GPC6: variants seen among roughly 807,000 people sequenced by gnomAD.
GPC6 encodes glypican 6.
GPC6 carries 14 observed loss-of-function variants against 55.2 expected under a neutral mutation model. The ratio of observed to expected loss-of-function variants is 0.25; its 90% CI spans 0.17 to 0.40. GPC6 has a LOEUF of 0.40. GPC6 is among the 10% of genes least tolerant of loss of function. The probability of loss-of-function intolerance (pLI) is 1.00; values close to 1 mark genes in which losing one functional copy is unlikely to be tolerated. For missense variants in GPC6, 641 were observed against 708.5 expected (o/e 0.90, Z 1.08); for synonymous variants, 278 against 259.6 (o/e 1.07, Z -0.68).
chr13:93,488,426 A>T (rs1249185556), intron 1 of GPC6, among the ~76,000 whole-genome samples: 1 of 152,178 alleles, frequency 6.6e-6, no homozygotes, highest in Admixed American at 6.5e-5. Context: ...GCTGCAATAA[A>T]CATACGTGTG....
chr13:93,871,224 A>T (rs1889123281), intron 3 of GPC6, among the ~76,000 whole-genome samples: 2 of 151,948 alleles, frequency 1.3e-5, no homozygotes, highest in African/African-American at 4.8e-5. Context: ...AACTTTGGCA[A>T]GTTATTTAAA....
chr13:94,245,672 G>A (rs952326289), intron 4 of GPC6, among the ~76,000 whole-genome samples: 3 of 152,034 alleles, frequency 2.0e-5, no homozygotes, highest in African/African-American at 7.2e-5. Flanking sequence ...AATCCGTGTT[G>A]TGGCAAATGG....
chr13:93,604,393 T>C (rs1878150209), intron 2 of GPC6, among the ~76,000 whole-genome samples: 1 of 152,196 alleles, frequency 6.6e-6, no homozygotes, highest in African/African-American at 2.4e-5. Flanking sequence ...AGGCCTTGCT[T>C]GCTACCAAGT....
At chr13:93,866,030 A>C (rs1353884645) in intron 3 of GPC6, among the ~76,000 whole-genome samples, 1 of 151,720 alleles carries the variant, frequency 6.6e-6, no homozygotes, top group Non-Finnish European at 1.5e-5. Flanking sequence ...CGATGAGCAG[A>C]GGCGGAGTCC....
chr13:93,354,805 C>G (rs1416884986), intron 1 of GPC6, among the ~76,000 whole-genome samples: 2 of 152,094 alleles, frequency 1.3e-5, no homozygotes, highest in African/African-American at 4.8e-5. Flanking sequence ...TGTGCGTGGA[C>G]AGAGAATCCA....
chr13:94,351,979 A>AAAAAAAAAAAG (rs1878570131), intron 6 of GPC6, among the ~76,000 whole-genome samples: 1 of 142,862 alleles, frequency 7.0e-6, no homozygotes, highest in Admixed American at 7.0e-5. Context: ...AAAAAAAAAA[A>AAAAAAAAAAAG]AAAGAAAAAG....
chr13:94,003,477 T>C (rs1290161752), intron 3 of GPC6, among the ~76,000 whole-genome samples: 2 of 152,220 alleles, frequency 1.3e-5, no homozygotes, highest in Admixed American at 1.3e-4. Flanking sequence ...GAGAGGTGTC[T>C]TTGATTGGGA....
chr13:94,050,420 T>C (rs1324846520), intron 4 of GPC6, among the ~76,000 whole-genome samples: 1 of 152,190 alleles, frequency 6.6e-6, no homozygotes, highest in Non-Finnish European at 1.5e-5. Context: ...ATGATACTAA[T>C]AGTAGCAGTA....
At chr13:94,090,297 CCGGATCCCTCCCAT>C (rs1885434446) in intron 4 of GPC6, among the ~76,000 whole-genome samples, 1 of 152,076 alleles carries the variant, frequency 6.6e-6, no homozygotes, top group South Asian at 2.1e-4. Context: ...TTACCTCCCA[CCGGATCCCTCCCAT>C]GACATGTGGG....
At chr13:93,224,657 G>A (rs974303160), upstream of GPC6, among the ~76,000 whole-genome samples, 7 of 152,222 alleles carry the variant, frequency 4.6e-5, no homozygotes, top group Admixed American at 1.3e-4. Flanking sequence ...CCTCTTCCAG[G>A]AACTTCCATA....
intron 3 of GPC6, among the ~76,000 whole-genome samples, chr13:93,920,028 T>G (rs1474660325): frequency 6.6e-6 from 1 of 152,120 alleles, no homozygotes; most frequent in Non-Finnish European, 1.5e-5. Flanking sequence ...ATCCAGCCTC[T>G]CCCATAATAA....
At chr13:94,394,709 C>T (rs768515255) in intron 7 of GPC6, among the ~76,000 whole-genome samples, 2 of 152,132 alleles carry the variant, frequency 1.3e-5, no homozygotes, top group African/African-American at 2.4e-5. Flanking sequence ...TTATTTTCAG[C>T]TATTTTAGGT....
At chr13:93,276,060 G>C (rs1413127855) in intron 1 of GPC6, among the ~76,000 whole-genome samples, 2 of 152,096 alleles carry the variant, frequency 1.3e-5, no homozygotes, top group African/African-American at 4.8e-5. Flanking sequence ...ATTTTTAGTA[G>C]AGACAGGGTT....
At chr13:93,377,234 A>G (rs1874947840) in intron 1 of GPC6, among the ~76,000 whole-genome samples, 1 of 152,188 alleles carries the variant, frequency 6.6e-6, no homozygotes, top group Admixed American at 6.5e-5. Context: ...ATTGAAGTGA[A>G]TCTCCCATGA....
At chr13:93,334,526 A>C (rs1879977899) in intron 1 of GPC6, among the ~76,000 whole-genome samples, 1 of 152,102 alleles carries the variant, frequency 6.6e-6, no homozygotes, top group Non-Finnish European at 1.5e-5. Context: ...GCAGTGGTAC[A>C]ATCTCAGCTC....
intron 2 of GPC6, among the ~76,000 whole-genome samples, chr13:93,645,862 C>A (rs947956418): frequency 1.3e-5 from 2 of 152,056 alleles, no homozygotes; most frequent in African/African-American, 4.8e-5. Flanking sequence ...TTTATCATCA[C>A]GCTAAAGCAC....
intron 1 of GPC6, among the ~76,000 whole-genome samples, chr13:93,440,526 C>G (rs1308708336): frequency 1.3e-5 from 2 of 152,244 alleles, no homozygotes; most frequent in African/African-American, 4.8e-5. Context: ...TACCCAGGCA[C>G]CTGCTAGGTA....
At chr13:93,595,247 G>C (rs1265913299) in intron 2 of GPC6, among the ~76,000 whole-genome samples, 9 of 151,912 alleles carry the variant, frequency 5.9e-5, no homozygotes, top group Non-Finnish European at 2.9e-5. Context: ...CTAACAAAAA[G>C]GTTTAAAATA....
intron 4 of GPC6, among the ~76,000 whole-genome samples, chr13:94,140,727 G>A (rs1887344704): frequency 6.6e-6 from 1 of 152,048 alleles, no homozygotes; most frequent in Non-Finnish European, 1.5e-5. Flanking sequence ...ACCTCCAGAG[G>A]GAAGGATAGA....
Sources: allele counts gnomAD v4.1 joint callset (sites outside exome capture counted in the v4.1 genomes callset), GRCh38; gene constraint gnomAD v4.1.1; transcripts MANE v1.5; gene names NCBI Gene and HGNC (gene_info 2026-07-23, HGNC 2026-07-21).